EPG5: variants seen among roughly 807,000 people sequenced by gnomAD.
The protein encoded by EPG5 is ectopic P-granules 5 autophagy tethering factor.
In EPG5, 159 loss-of-function variants were observed where a neutral mutation model predicts 302.7. The observed-to-expected ratio is 0.53, with a 90% CI of 0.46 to 0.60. The LOEUF (loss-of-function observed/expected upper bound fraction) is 0.60. EPG5 is among the 20% of genes least tolerant of loss of function. The pLI is 0.00. For synonymous variants in EPG5, 1,158 were observed against 1,136.8 expected, an observed-to-expected ratio of 1.02 and a Z score of -0.37; for missense variants, 2,896 against 3,092.4, an observed-to-expected ratio of 0.94 and a Z score of 1.51.
At chr18:45,867,140 T>C (rs2048764360) in intron 37 of EPG5, 133 bp from the exon 38 acceptor site, 1 of 665,616 alleles carries the variant, frequency 1.5e-6, no homozygotes, top group East Asian at 2.7e-5. Context: ...ATCAAGTAAG[T>C]ATCTACTCGA....
chr18:45,807,367 T>C, the EPG5 span, among the ~76,000 whole-genome samples: 1 of 152,168 alleles, frequency 6.6e-6, no homozygotes, highest in African/African-American at 2.4e-5. Flanking sequence ...TTCTTCCCCA[T>C]ACTACTGCAG....
At chr18:45,965,218 G>A (rs997453633) in intron 1 of EPG5, among the ~76,000 whole-genome samples, 5 of 148,988 alleles carry the variant, frequency 3.4e-5, no homozygotes, top group Non-Finnish European at 5.9e-5. Flanking sequence ...CAAATACCAC[G>A]TTCTCACTTA....
chr18:45,906,869 T>C (rs2049764150), intron 24 of EPG5, among the ~76,000 whole-genome samples: 1 of 152,216 alleles, frequency 6.6e-6, no homozygotes, highest in Non-Finnish European at 1.5e-5. Context: ...TTGGCCAGGC[T>C]GGTCTTGAAC....
At chr18:45,916,653 T>C (rs1164334511) in intron 17 of EPG5, 71 bp from the exon 18 acceptor site, 1 of 1,451,992 alleles carries the variant, frequency 6.9e-7, no homozygotes, top group East Asian at 2.4e-5. Context: ...TAATTACTTA[T>C]GAGGAAACAG....
At chr18:45,903,693 G>C (rs1468871671) in intron 25 of EPG5, among the ~76,000 whole-genome samples, 1 of 152,280 alleles carries the variant, frequency 6.6e-6, no homozygotes, top group Non-Finnish European at 1.5e-5. Context: ...AAGTAACTTA[G>C]AAACTTCAGG....
chr18:45,919,372 A>G (rs2050101349), intron 16 of EPG5, among the ~76,000 whole-genome samples: 1 of 152,232 alleles, frequency 6.6e-6, no homozygotes, highest in Non-Finnish European at 1.5e-5. Flanking sequence ...CTCTAGAGAG[A>G]GCCCACAGCA....
chr18:45,912,043 A>G (rs1389219996), intron 22 of EPG5, among the ~76,000 whole-genome samples: 1 of 152,150 alleles, frequency 6.6e-6, no homozygotes. Context: ...AACCTTGCCC[A>G]ATCCCAGGGT....
At chr18:45,906,050 T>C (rs961145056) in intron 24 of EPG5, among the ~76,000 whole-genome samples, 9 of 152,200 alleles carry the variant, frequency 5.9e-5, no homozygotes, top group Non-Finnish European at 1.2e-4. Context: ...TTAATCTACA[T>C]ATTCTCTTAC....
Position 45,866,896 on chromosome 18 carries a change from A to T in EPG5, c.6523T>A (p.Ser2175Thr). Residue 2175 changes from serine (S) to threonine (T), a missense_variant, in exon 38 of 44, where the codon TCC (serine) becomes ACC (threonine). Physicochemically the swap from Ser to Thr is moderately conservative, Grantham distance 58. This residue lies in a region of EPG5 where 620 missense variants were observed against 704.2 expected (regional missense o/e 0.88). Coordinates refer to ENST00000282041, the MANE Select transcript of EPG5 (RefSeq NM_020964.3). ...TAAGATTCTTTTGCCAGGATGATGG[A>T]CGGCGGGTAATGGCTGCTGAAATAA... ...LSYFSSHYPPSIILAKESYAE... is the reference protein window; with the variant it reads ...LSYFSSHYPPTIILAKESYAE... 6.2e-7 allele frequency: 1 copy of T among 1,614,148 alleles called. No homozygotes were observed.
At chr18:45,937,235 TACACACACACACACACACACACAC>T (rs57593059) in intron 10 of EPG5, among the ~76,000 whole-genome samples, 1 of 136,822 alleles carries the variant, frequency 7.3e-6, no homozygotes, top group Non-Finnish European at 1.6e-5. Context: ...TACATATATA[TACACACACACACACACACACACAC>T]ACACACACAC....
chr18:45,967,120 G>A (rs1195031995), intron 1 of EPG5, 57 bp downstream of exon 1: 3 of 1,517,924 alleles, frequency 2.0e-6, no homozygotes, highest in East Asian at 2.4e-5. Flanking sequence ...GCCGAAGAGA[G>A]GAGCAAGGAG....
intron 27 of EPG5, among the ~76,000 whole-genome samples, chr18:45,894,003 G>A (rs2049411939): frequency 6.6e-6 from 1 of 152,078 alleles, no homozygotes; most frequent in Non-Finnish European, 1.5e-5. Flanking sequence ...ACTGTATGAG[G>A]CACTGATGAT....
At chr18:45,858,204 T>C (rs1326273812) in intron 41 of EPG5, 136 bp from the exon 42 acceptor site, 7 of 664,730 alleles carry the variant, frequency 1.1e-5, no homozygotes, top group Admixed American at 5.4e-5. Flanking sequence ...CTGATGTTAA[T>C]AGAGCCATGG....
chr18:45,967,121 G>A (rs1487099692), intron 1 of EPG5, 56 bp downstream of exon 1: 3 of 1,522,536 alleles, frequency 2.0e-6, no homozygotes, highest in South Asian at 1.2e-5. Context: ...CCGAAGAGAG[G>A]AGCAAGGAGA....
intron 1 of EPG5, among the ~76,000 whole-genome samples, chr18:45,966,240 C>T (rs557451130): frequency 2.0e-5 from 3 of 151,064 alleles, no homozygotes; most frequent in Non-Finnish European, 4.4e-5. Context: ...GGCGTGGTGG[C>T]AGGCGCCTGT....
Position 45,939,882 on chromosome 18 carries a change from C to T in EPG5, c.1944-127G>A, listed in dbSNP as rs374248049. The T allele has an allele frequency of 7.0e-5, 59 of 848,326 alleles. No individual in the cohort carries two copies. The South Asian group carries it at 1.0e-3, about 15-fold the overall frequency. The allele number at this position is 848,326 out of a possible 1,614,324, so 52.5% of individuals were successfully genotyped here. ...CACCTACTATCCACCTACTATTGTC[C>T]AGGTTCTGAAACTAATGAAATGGGG... On this transcript the variant is annotated intron_variant, in intron 9 of 43. Transcript: ENST00000282041.
chr18:45,949,367 T>G (rs2050853587), intron 5 of EPG5, 117 bp downstream of exon 5: 1 of 603,458 alleles, frequency 1.7e-6, no homozygotes, highest in Admixed American at 3.2e-5. Flanking sequence ...TTAAGAATTT[T>G]ATTTTAAATA....
chr18:45,941,390 G>C (rs1274010417), intron 9 of EPG5, among the ~76,000 whole-genome samples: 2 of 152,234 alleles, frequency 1.3e-5, no homozygotes, highest in Non-Finnish European at 2.9e-5. Context: ...ATCTTCATCT[G>C]TAGGAGCTGT....
intron 1 of EPG5, among the ~76,000 whole-genome samples, chr18:45,959,208 G>A (rs747674620): frequency 1.7e-4 from 26 of 152,216 alleles, no homozygotes; most frequent in Non-Finnish European, 2.9e-4. Flanking sequence ...AGGCATGGTG[G>A]CTGGCACATG....
Sources: allele counts gnomAD v4.1 joint callset (sites outside exome capture counted in the v4.1 genomes callset), GRCh38; gene constraint gnomAD v4.1.1; regional missense constraint gnomAD v4.1.1; transcripts MANE v1.5; gene names NCBI Gene and HGNC (gene_info 2026-07-23, HGNC 2026-07-21).